Variants in CDC73 observed in about 807,000 individuals in gnomAD.
The protein encoded by CDC73 is parafibromin.
Under a neutral mutation model 83.7 loss-of-function variants are expected in CDC73, and 21 were observed. The observed-to-expected ratio is 0.25, with a 90% confidence interval of 0.18 to 0.36. The LOEUF (loss-of-function observed/expected upper bound fraction) is 0.36. Ranked by LOEUF, CDC73 falls within the 10% of genes least tolerant of loss-of-function variation. The probability of loss-of-function intolerance (pLI) is 1.00; values close to 1 mark genes in which losing one functional copy is unlikely to be tolerated. For synonymous variants in CDC73, 224 were observed against 212.9 expected (o/e 1.05, Z -0.45); for missense variants, 342 against 653.3 (o/e 0.52, Z 5.19).
intron 10 of CDC73, chr1:193,186,267 C>T (rs1676804761): frequency 1.3e-5 from 2 of 152,370 alleles, no homozygotes; most frequent in Non-Finnish European, 1.5e-5. Context: ...TTTCGTTAAA[C>T]AAAAGAGCTG....
intron 6 of CDC73, among the ~76,000 whole-genome samples, chr1:193,139,787 G>A (rs745932155): frequency 1.3e-4 from 20 of 152,066 alleles, no homozygotes; most frequent in Non-Finnish European, 2.9e-4. Flanking sequence ...GGTCAGCTAG[G>A]GTAATTATTC....
intron 15 of CDC73, among the ~76,000 whole-genome samples, chr1:193,242,225 T>G (rs1043920364): frequency 6.6e-6 from 1 of 151,666 alleles, no homozygotes; most frequent in Non-Finnish European, 1.5e-5. Flanking sequence ...CTGTGCTGCA[T>G]GCAGCTGCTT....
intron 7 of CDC73, among the ~76,000 whole-genome samples, chr1:193,143,241 C>G (rs527772471): frequency 1.3e-5 from 2 of 152,204 alleles, no homozygotes; most frequent in South Asian, 4.1e-4. Context: ...ATAGAGAAAT[C>G]TGAGGATGTG....
chr1:193,223,227 CATTTT>C (rs940393429), intron 13 of CDC73, among the ~76,000 whole-genome samples: 1 of 91,640 alleles, frequency 1.1e-5, no homozygotes, highest in Non-Finnish European at 2.6e-5. Flanking sequence ...TTTTACTGTT[CATTTT>C]ATTTTTTTTT....
At chr1:193,249,663 TAAAG>T in intron 15 of CDC73, 63 bp from the exon 16 acceptor site, 2 of 1,263,516 alleles carry the variant, frequency 1.6e-6, no homozygotes, top group Non-Finnish European at 2.3e-6. Flanking sequence ...GTTGGTGGAA[TAAAG>T]AAATTTTTTT....
chr1:193,218,375 A>T (rs1253985531), intron 13 of CDC73, among the ~76,000 whole-genome samples: 1 of 152,264 alleles, frequency 6.6e-6, no homozygotes, highest in Non-Finnish European at 1.5e-5. Context: ...ATTCCTAGCA[A>T]ACTACCAGAT....
At chr1:193,171,154 TC>T (rs1210377536) in intron 10 of CDC73, among the ~76,000 whole-genome samples, 1 of 152,212 alleles carries the variant, frequency 6.6e-6, no homozygotes, top group Non-Finnish European at 1.5e-5. Context: ...TGAGTCTGTG[TC>T]CCAGCTATCA....
intron 3 of CDC73, among the ~76,000 whole-genome samples, 157 bp downstream of exon 3, chr1:193,130,400 T>TG (rs1446319106): frequency 6.6e-6 from 1 of 152,234 alleles, no homozygotes; most frequent in African/African-American, 2.4e-5. Flanking sequence ...ATACAGTGGA[T>TG]GCACTGTCTT....
chr1:193,135,316 A>T (rs1189889947), intron 3 of CDC73, 75 bp from the exon 4 acceptor site: 1 of 1,243,986 alleles, frequency 8.0e-7, no homozygotes, highest in African/African-American at 1.5e-5. Context: ...AAAAACCTAA[A>T]GCATTTCACT....
At chr1:193,194,263 G>C (rs1476762559) in intron 10 of CDC73, among the ~76,000 whole-genome samples, 1 of 152,096 alleles carries the variant, frequency 6.6e-6, no homozygotes, top group African/African-American at 2.4e-5. Flanking sequence ...AGCAGAATTG[G>C]ACCTTTGAGG....
At chr1:193,148,635 T>C (rs931223242) in intron 8 of CDC73, among the ~76,000 whole-genome samples, 7 of 149,490 alleles carry the variant, frequency 4.7e-5, no homozygotes, top group African/African-American at 1.7e-4. Context: ...ATAGAAAATT[T>C]ATAATTTTTT....
In CDC73 at chr1:193,129,248, G is replaced by A. The variant is rs534365308; in HGVS notation, c.238-926G>A. Among the ~76,000 whole-genome samples the A allele has an allele frequency of 1.3e-4, 20 of 151,588 alleles. No homozygotes were observed. The South Asian group carries it at 3.1e-3, about 24-fold the overall frequency. On this transcript the variant is annotated intron_variant, in intron 2 of 16. Coordinates refer to ENST00000367435, the MANE Select transcript of CDC73 (RefSeq NM_024529.5). ...CCCGACCTCATGATCCACCCGTCTC[G>A]ACCTCCCAAAGTGCTGGGATTACAG...
chr1:193,168,394 T>C (rs1023301835), intron 10 of CDC73, among the ~76,000 whole-genome samples: 1 of 152,194 alleles, frequency 6.6e-6, no homozygotes, highest in African/African-American at 2.4e-5. Flanking sequence ...AATTTAGTGT[T>C]ACATGCTTTT....
intron 15 of CDC73, among the ~76,000 whole-genome samples, chr1:193,245,285 CT>C (rs1365439213): frequency 2.0e-5 from 3 of 152,302 alleles, no homozygotes; most frequent in African/African-American, 7.2e-5. Context: ...ACCCCCTACT[CT>C]TCCCAGCCAA....
chr1:193,222,040 C>CA (rs527407181), intron 13 of CDC73, among the ~76,000 whole-genome samples: 154 of 147,790 alleles, frequency 1.0e-3, no homozygotes, highest in African/African-American at 3.0e-3. Context: ...GTAAATGAAA[C>CA]AAAAAAAAAT....
intron 13 of CDC73, among the ~76,000 whole-genome samples, chr1:193,217,356 A>G (rs542214268): frequency 2.5e-4 from 38 of 152,042 alleles, no homozygotes; most frequent in African/African-American, 8.9e-4. Context: ...TCTATCGCAG[A>G]GTTTCTTGTC....
At chr1:193,238,825 A>G (rs1244321960) in intron 15 of CDC73, among the ~76,000 whole-genome samples, 1 of 152,236 alleles carries the variant, frequency 6.6e-6, no homozygotes, top group African/African-American at 2.4e-5. Flanking sequence ...GTGGGTTATC[A>G]TAAAGGTCTT....
In CDC73 at chr1:193,185,045, C is replaced by T. The variant is rs547040583; in HGVS notation, c.973-18750C>T. Among the ~76,000 whole-genome samples, 3 of 152,024 alleles carry T rather than the reference C, an allele frequency of 2.0e-5. No homozygotes were observed. In the East Asian group the frequency reaches 5.8e-4, roughly 29 times the overall value. On this transcript the variant is annotated intron_variant, in intron 10 of 16. Transcript: ENST00000367435. ...AATAGTTTATTTGGTTTATCTGTGC[C>T]CTGCACACACATATAGTGGCGGTAG...
chr1:193,146,560 G>A (rs942448743), intron 7 of CDC73, among the ~76,000 whole-genome samples: 1 of 152,004 alleles, frequency 6.6e-6, no homozygotes, highest in Non-Finnish European at 1.5e-5. Context: ...TTACTCTTTC[G>A]GGAATCCGAG....
Sources: allele counts gnomAD v4.1 joint callset (sites outside exome capture counted in the v4.1 genomes callset), GRCh38; gene constraint gnomAD v4.1.1; transcripts MANE v1.5; gene names NCBI Gene and HGNC (gene_info 2026-07-23, HGNC 2026-07-21).